Variants in LINGO2 observed in about 807,000 individuals in gnomAD.
LINGO2 encodes leucine rich repeat and Ig domain containing 2.
LINGO2 carries 14 observed loss-of-function variants against 30.6 expected under a neutral mutation model. That is an observed-to-expected ratio of 0.46 (90% CI 0.30 to 0.72). The LOEUF (loss-of-function observed/expected upper bound fraction) is 0.72, where lower values mean the gene tolerates loss of function less well. LINGO2 is among the 30% of genes least tolerant of loss of function. The pLI, the probability that LINGO2 is intolerant of heterozygous loss-of-function variation, is 0.07. For missense variants in LINGO2, 729 were observed against 751.7 expected (o/e 0.97, Z 0.35); for synonymous variants, 317 against 288.5 (o/e 1.10, Z -1.00).
the LINGO2 span, among the ~76,000 whole-genome samples, chr9:28,798,380 C>T: frequency 6.6e-6 from 1 of 151,956 alleles, no homozygotes; most frequent in South Asian, 2.1e-4. Context: ...GAGAAGTTGA[C>T]CTTAGCTATT....
chr9:28,972,089 C>G, the LINGO2 span, among the ~76,000 whole-genome samples: 138,905 of 152,320 alleles, frequency 0.91, 63,479 homozygotes, highest in Non-Finnish European at 0.93. Flanking sequence ...AGCATTACTG[C>G]GCTTGGGGTG....
At chr9:28,431,152 A>G (rs1334089110) in intron 2 of LINGO2, among the ~76,000 whole-genome samples, 1 of 152,066 alleles carries the variant, frequency 6.6e-6, no homozygotes, top group Admixed American at 6.5e-5. Context: ...CCTTCTATTC[A>G]TTGAAAGCAG....
At chr9:28,503,462 G>A (rs914667554) in intron 1 of LINGO2, among the ~76,000 whole-genome samples, 1 of 151,742 alleles carries the variant, frequency 6.6e-6, no homozygotes, top group Non-Finnish European at 1.5e-5. Flanking sequence ...TCACCTTTAG[G>A]GTGATGACAG....
At chr9:29,004,300 T>G in the LINGO2 span, among the ~76,000 whole-genome samples, 6 of 151,952 alleles carry the variant, frequency 3.9e-5, no homozygotes, top group Non-Finnish European at 8.8e-5. Context: ...TCTCATAACA[T>G]TTTATGGTAT....
chr9:28,372,392 T>C (rs958225549), intron 3 of LINGO2, among the ~76,000 whole-genome samples: 3 of 152,234 alleles, frequency 2.0e-5, no homozygotes, highest in Non-Finnish European at 4.4e-5. Context: ...GGGAACATTA[T>C]GCAAAGTGAA....
chr9:28,103,881 C>T (rs900783785), intron 4 of LINGO2, among the ~76,000 whole-genome samples: 1 of 152,114 alleles, frequency 6.6e-6, no homozygotes, highest in African/African-American at 2.4e-5. Context: ...TTTCTTTGCT[C>T]TGGAAACAAT....
chr9:29,050,540 G>C, the LINGO2 span, among the ~76,000 whole-genome samples: 1 of 152,188 alleles, frequency 6.6e-6, no homozygotes, highest in South Asian at 2.1e-4. Context: ...GATGGTGAGT[G>C]GGAATAGGGG....
At chr9:28,296,191 T>C (rs545454641) in intron 3 of LINGO2, among the ~76,000 whole-genome samples, 4 of 152,354 alleles carry the variant, frequency 2.6e-5, no homozygotes, top group South Asian at 2.1e-4. Context: ...AGAAAACCTA[T>C]GTATAATCAG....
At chr9:29,086,371 C>G in the LINGO2 span, among the ~76,000 whole-genome samples, 1 of 147,174 alleles carries the variant, frequency 6.8e-6, no homozygotes, top group African/African-American at 2.5e-5. Flanking sequence ...ACATATTACT[C>G]TTTATCAAGG....
the LINGO2 span, among the ~76,000 whole-genome samples, chr9:28,728,483 C>T: frequency 6.6e-6 from 1 of 151,356 alleles, no homozygotes; most frequent in Non-Finnish European, 1.5e-5. Context: ...AGAATGTTCT[C>T]TAGAGAAATG....
the LINGO2 span, among the ~76,000 whole-genome samples, chr9:28,957,203 C>T: frequency 6.6e-6 from 1 of 152,132 alleles, no homozygotes; most frequent in Non-Finnish European, 1.5e-5. Context: ...GAAGCACACC[C>T]TGGGACGTAT....
chr9:29,210,935 AAAGAAC>A, the LINGO2 span, among the ~76,000 whole-genome samples: 1 of 152,178 alleles, frequency 6.6e-6, no homozygotes, highest in Admixed American at 6.5e-5. Flanking sequence ...ACAGAACCCT[AAAGAAC>A]ATCTCCTTCT....
chr9:28,038,624 C>G (rs7041293), intron 4 of LINGO2, among the ~76,000 whole-genome samples: 2 of 150,196 alleles, frequency 1.3e-5, no homozygotes, highest in African/African-American at 2.5e-5. Flanking sequence ...ACCCGGGAGG[C>G]GGAGCTTGCA....
intron 4 of LINGO2, among the ~76,000 whole-genome samples, chr9:28,280,892 A>G (rs1225390921): frequency 6.6e-6 from 1 of 152,186 alleles, no homozygotes; most frequent in Non-Finnish European, 1.5e-5. Flanking sequence ...CGAATTGACT[A>G]AGACTAGCAT....
chr9:27,947,690 G>A (rs972352609), downstream of LINGO2, among the ~76,000 whole-genome samples: 3 of 152,298 alleles, frequency 2.0e-5, no homozygotes, highest in East Asian at 3.9e-4. Context: ...AATCTAGCAT[G>A]CAGGCAGCTA....
the LINGO2 span, among the ~76,000 whole-genome samples, chr9:29,173,866 A>G: frequency 2.6e-5 from 4 of 152,126 alleles, no homozygotes; most frequent in Non-Finnish European, 4.4e-5. Flanking sequence ...ATCTCAGAAA[A>G]TAAGAGTAAA....
At chr9:29,056,397 T>C in the LINGO2 span, among the ~76,000 whole-genome samples, 1 of 152,208 alleles carries the variant, frequency 6.6e-6, no homozygotes, top group Non-Finnish European at 1.5e-5. Context: ...ATATCTTCTT[T>C]TGAGAACTGT....
At chr9:28,172,071 C>A (rs1828613873) in intron 4 of LINGO2, among the ~76,000 whole-genome samples, 1 of 145,408 alleles carries the variant, frequency 6.9e-6, no homozygotes, top group Admixed American at 7.0e-5. Flanking sequence ...CACTTTCCTG[C>A]TGTGGCTACT....
intron 1 of LINGO2, among the ~76,000 whole-genome samples, chr9:28,571,628 T>A (rs1823698416): frequency 6.6e-6 from 1 of 152,126 alleles, no homozygotes; most frequent in Admixed American, 6.5e-5. Flanking sequence ...AAGATTTAAA[T>A]CCACTTCTTT....
Sources: gnomAD v4.1 joint callset for allele counts (sites outside exome capture counted in the v4.1 genomes callset) on GRCh38, gnomAD v4.1.1 for gene constraint, MANE v1.5 for transcripts, NCBI Gene and HGNC (gene_info 2026-07-23, HGNC 2026-07-21) for gene names.